EVC: variants seen among roughly 807,000 people sequenced by gnomAD.
EVC encodes the protein EvC ciliary complex subunit 1.
A neutral mutation model predicts 118.9 loss-of-function variants in EVC; 116 were observed. The ratio of observed to expected loss-of-function variants is 0.98; its 90% confidence interval spans 0.84 to 1.14. The LOEUF (loss-of-function observed/expected upper bound fraction) is 1.14, where lower values mean the gene tolerates loss of function less well. Ranked by LOEUF, EVC falls within the 50% of genes most tolerant of loss-of-function variation. The pLI, the probability that EVC is intolerant of heterozygous loss-of-function variation, is 0.00. For missense variants in EVC, 1,401 were observed against 1,246.4 expected (o/e 1.12, Z -1.87); for synonymous variants, 619 against 534.7 (o/e 1.16, Z -2.18).
chr4:5,721,822 G>T (rs1725006068), intron 2 of EVC, among the ~76,000 whole-genome samples: 1 of 152,154 alleles, frequency 6.6e-6, no homozygotes, highest in African/African-American at 2.4e-5. Context: ...AGCTGAGATT[G>T]TGCCACTGCA....
At position 5,808,255 on chromosome 4, in the gene EVC, G is replaced by A. The variant is rs1310991540; in HGVS notation, c.2616G>A (p.Met872Ile). The change falls in exon 18 of 21, where the codon ATG becomes ATA. Residue 872 changes from methionine to isoleucine, a missense_variant. Met to Ile is a conservative substitution (Grantham distance 10). Transcript: ENST00000264956. ...CCCAGTTCCCAGTGCACCAGCAGAT[G>A]CGTCTGCACGCCCAGCAGCAGCAGG... ...FLAQFPVHQQ[M>I]RLHAQQQQAG... The A allele has an allele frequency of 6.2e-7, 1 of 1,611,448 alleles. No individual in the cohort carries two copies. Among genetic ancestry groups the A allele is most frequent in the Non-Finnish European group, 8.5e-7 (1 of 1,179,134 alleles).
intron 2 of EVC, among the ~76,000 whole-genome samples, chr4:5,723,576 G>A (rs1725332977): frequency 6.6e-6 from 1 of 152,040 alleles, no homozygotes; most frequent in African/African-American, 2.4e-5. Flanking sequence ...TTCTCTCATG[G>A]TCATCCTTTT....
chr4:5,725,033 A>G (rs529982844), intron 2 of EVC, among the ~76,000 whole-genome samples: 3 of 152,288 alleles, frequency 2.0e-5, no homozygotes, highest in South Asian at 2.1e-4. Context: ...AGCTCCATCT[A>G]TGCCCCTGTA....
chr4:5,748,053 G>A, intron 7 of EVC, 95 bp from the exon 8 acceptor site: 1 of 1,315,750 alleles, frequency 7.6e-7, no homozygotes, highest in South Asian at 1.2e-5. Context: ...CTTTGTTTGT[G>A]ATAGGGAGTG....
At position 5,755,419 on chromosome 4, in the gene EVC, C is replaced by T. The variant is rs899735718; in HGVS notation, c.1465-845C>T. Among the ~76,000 whole-genome samples the T allele has an allele frequency of 1.4e-5, 2 of 139,606 alleles. No individual in the cohort carries two copies. Among genetic ancestry groups the T allele is most frequent in the Admixed American group, 7.1e-5 (1 of 14,024 alleles). The allele number at this position is 139,606 out of a possible 152,430, so 91.6% of individuals were successfully genotyped here. On this transcript the variant is annotated intron_variant, in intron 10 of 20. Coordinates refer to ENST00000264956, the MANE Select transcript of EVC (RefSeq NM_153717.3). This position sits in a 1 kb window ranked among gnomAD's most constrained non-coding sequence, Gnocchi z 4.1. ...ACCAGGACATGGACAAATGGGCAAA[C>T]GAGCGAATGAAGGAGGATGGAATGG...
chr4:5,803,007 G>T (rs1160332546), intron 16 of EVC, among the ~76,000 whole-genome samples: 1 of 152,196 alleles, frequency 6.6e-6, no homozygotes, highest in Non-Finnish European at 1.5e-5. Context: ...AGCCACCGCA[G>T]TGACCATGAG....
Position 5,746,388 on chromosome 4 carries a change from C to T in EVC, c.939+1047C>T, listed in dbSNP as rs115761166. 0.02 allele frequency among the ~76,000 whole-genome samples: 3,081 copies of T among 152,150 alleles called. 51 individuals carry two copies. Among genetic ancestry groups the T allele is most frequent in the Non-Finnish European group, 0.032 (2,155 of 68,004 alleles). ...GCTGTGGTGGTCTACCATGGGGCGG[C>T]AGGTGGGGAGGAGGAGGGGGTCCAG... On this transcript the variant is annotated intron_variant, in intron 7 of 20. Coordinates refer to ENST00000264956, the MANE Select transcript of EVC (RefSeq NM_153717.3). The surrounding 1 kb of genome is among the most constrained non-coding windows in gnomAD (Gnocchi z 5.8).
chr4:5,762,547 A>T (rs1732237477), intron 11 of EVC, among the ~76,000 whole-genome samples: 3 of 144,466 alleles, frequency 2.1e-5, no homozygotes, highest in African/African-American at 7.7e-5. Context: ...ATTTCTCCAC[A>T]TCCTCTCCAG....
At chr4:5,767,525 C>G (rs1384389308) in intron 11 of EVC, among the ~76,000 whole-genome samples, 1 of 151,270 alleles carries the variant, frequency 6.6e-6, no homozygotes, top group Non-Finnish European at 1.5e-5. Context: ...AGTTTGATCT[C>G]AGACTGCTGT....
At position 5,711,240 on chromosome 4, in the gene EVC, C is replaced by T. The variant is rs183782505; in HGVS notation, c.-141C>T. The T allele has an allele frequency of 7.2e-5, 31 of 430,312 alleles. No individual in the cohort carries two copies. The Middle Eastern group carries it at 4.5e-3, about 62-fold the overall frequency. The allele number at this position is 430,312 out of a possible 1,614,324, so 26.7% of individuals were successfully genotyped here. ...CAGGGAAGGGGAGAGAAGCAGGAGTCGGGAGACTGCACAGGCCAGAAAGTC... is the reference window on the plus strand; with the variant it reads ...CAGGGAAGGGGAGAGAAGCAGGAGTTGGGAGACTGCACAGGCCAGAAAGTC... On this transcript the variant is annotated 5_prime_UTR_variant, in exon 1 of 21. Coordinates refer to ENST00000264956, the MANE Select transcript of EVC (RefSeq NM_153717.3).
In EVC at chr4:5,743,419, T is replaced by G. The variant is rs771136562; in HGVS notation, c.801+1605T>G. 6.6e-6 allele frequency among the ~76,000 whole-genome samples: 1 copy of G among 152,192 alleles called. No homozygotes were observed. Among genetic ancestry groups the G allele is most frequent in the African/African-American group, 2.4e-5 (1 of 41,446 alleles). ...TTTTCATTATCATCATCATTGTTAT[T>G]GTCATCATTTTCATTACTGCCATCG... On this transcript the variant is annotated intron_variant, in intron 6 of 20. Coordinates refer to ENST00000264956, the MANE Select transcript of EVC (RefSeq NM_153717.3). The surrounding 1 kb of genome is among the most constrained non-coding windows in gnomAD (Gnocchi z 4.7).
chr4:5,758,130 A>G (rs1731460796), intron 11 of EVC: 1 of 702,214 alleles, frequency 1.4e-6, no homozygotes. Flanking sequence ...GTTTGAAGAC[A>G]GAAGGAGGGA....
At chr4:5,810,206 C>G in intron 19 of EVC, 133 bp from the exon 20 acceptor site, 4 of 743,926 alleles carry the variant, frequency 5.4e-6, no homozygotes, top group Non-Finnish European at 9.7e-6. Context: ...GCTGCAATAG[C>G]ATAAGATACC....
chr4:5,744,865 A>G (rs2152024669), intron 6 of EVC, among the ~76,000 whole-genome samples: 1 of 152,224 alleles, frequency 6.6e-6, no homozygotes, highest in African/African-American at 2.4e-5. Flanking sequence ...CCAGAAGAGG[A>G]GCAAAGAAAC....
rs1871587 is a variant in EVC at position 5,731,251 on chromosome 4, G to A, written c.385-174G>A. Among the ~76,000 whole-genome samples, 12,013 of 151,948 alleles carry A rather than the reference G, an allele frequency of 0.079. 562 individuals carry two copies. The highest frequency in any genetic ancestry group is 0.13 in the African/African-American group (5,265 of 41,398). ...CTGTGATTCGGGCCTCTGGGCTGTCGATGTGGCAGAACCTGGGACGGAAAC... is the reference window on the plus strand; with the variant it reads ...CTGTGATTCGGGCCTCTGGGCTGTCAATGTGGCAGAACCTGGGACGGAAAC... On this transcript the variant is annotated intron_variant, in intron 3 of 20. Transcript: ENST00000264956. This position sits in a 1 kb window ranked among gnomAD's most constrained non-coding sequence, Gnocchi z 5.6.
chr4:5,753,296 C>T (rs1170751426), intron 9 of EVC, among the ~76,000 whole-genome samples: 3 of 152,228 alleles, frequency 2.0e-5, no homozygotes, highest in Non-Finnish European at 4.4e-5. Context: ...ACTCACTCAC[C>T]AGGGATTCCG....
At chr4:5,747,902 C>T (rs1168699649) in intron 7 of EVC, among the ~76,000 whole-genome samples, 2 of 152,206 alleles carry the variant, frequency 1.3e-5, no homozygotes, top group Non-Finnish European at 2.9e-5. Context: ...CTTTCCTTAG[C>T]AGCAGTGCTC....
At chr4:5,726,264 G>T (rs1725792547) in intron 2 of EVC, among the ~76,000 whole-genome samples, 1 of 152,224 alleles carries the variant, frequency 6.6e-6, no homozygotes, top group African/African-American at 2.4e-5. Context: ...GTTCAGAATT[G>T]CCCAGTAGAG....
At chr4:5,802,962 C>T (rs1715271524) in intron 16 of EVC, among the ~76,000 whole-genome samples, 1 of 152,146 alleles carries the variant, frequency 6.6e-6, no homozygotes, top group South Asian at 2.1e-4. Context: ...TGTGAGCTTC[C>T]TGGTGGTGAA....
Sources: gnomAD v4.1 joint callset for allele counts (sites outside exome capture counted in the v4.1 genomes callset) on GRCh38, gnomAD v4.1.1 for gene constraint, Gnocchi (gnomAD v3.1) non-coding constraint, MANE v1.5 for transcripts, NCBI Gene and HGNC (gene_info 2026-07-23, HGNC 2026-07-21) for gene names.